The following MBOAT1 variants were observed in gnomAD, a reference collection of about 807,000 sequenced individuals.
The protein encoded by MBOAT1 is membrane-bound glycerophospholipid O-acyltransferase 1.
In MBOAT1, 67 loss-of-function variants were observed where a neutral mutation model predicts 64.4. The observed-to-expected ratio is 1.04, with a 90% CI of 0.85 to 1.27. The LOEUF is 1.27. MBOAT1 is among the 50% of genes most tolerant of loss of function. The pLI is 0.00. For synonymous variants in MBOAT1, 229 were observed against 218.9 expected (o/e 1.05, Z -0.41); for missense variants, 563 against 604.6 (o/e 0.93, Z 0.72).
At chr6:20,198,649 T>C (rs1365851261) in intron 1 of MBOAT1, among the ~76,000 whole-genome samples, 1 of 152,226 alleles carries the variant, frequency 6.6e-6, no homozygotes, top group African/African-American at 2.4e-5. Flanking sequence ...CTTCTCCAGT[T>C]CTTCTAGAAA....
intron 5 of MBOAT1, 74 bp downstream of exon 5, chr6:20,131,070 G>A: frequency 7.6e-7 from 1 of 1,321,472 alleles, no homozygotes. Context: ...TTTGGACTGT[G>A]TACATAGTAT....
At chr6:20,159,341 C>T (rs1337141832) in intron 1 of MBOAT1, among the ~76,000 whole-genome samples, 1 of 152,082 alleles carries the variant, frequency 6.6e-6, no homozygotes, top group African/African-American at 2.4e-5. Flanking sequence ...TAGGAGTGTA[C>T]ACCCTATGAG....
chr6:20,130,605 G>A (rs1219784749), intron 5 of MBOAT1, among the ~76,000 whole-genome samples: 1 of 151,724 alleles, frequency 6.6e-6, no homozygotes, highest in Non-Finnish European at 1.5e-5. Context: ...TGCCCACCTC[G>A]GCCTCCCAAA....
intron 7 of MBOAT1, among the ~76,000 whole-genome samples, chr6:20,125,705 A>G (rs1581406409): frequency 6.6e-6 from 1 of 152,230 alleles, no homozygotes; most frequent in South Asian, 2.1e-4. Context: ...GAGATACTTG[A>G]CCAACCATAA....
intron 1 of MBOAT1, among the ~76,000 whole-genome samples, chr6:20,184,880 A>AGTGTGTGTGTGTGTGTGTGTGTGT (rs58865791): frequency 6.3e-5 from 9 of 142,866 alleles, no homozygotes; most frequent in East Asian, 2.1e-4. Context: ...TTATAACTGC[A>AGTGTGTGTGTGTGTGTGTGTGTGT]GTGTGTGTGT....
chr6:20,157,519 T>C (rs1436641005), intron 1 of MBOAT1, among the ~76,000 whole-genome samples: 1 of 152,114 alleles, frequency 6.6e-6, no homozygotes, highest in Non-Finnish European at 1.5e-5. Context: ...TTTGGAAAGG[T>C]AAAATTACAT....
rs140082056 is a variant in MBOAT1 at position 20,171,789 on chromosome 6, T to C, written c.100-19020A>G. 4.5e-4 allele frequency among the ~76,000 whole-genome samples: 69 copies of C among 152,154 alleles called. 1 individual carries two copies. The highest frequency in any genetic ancestry group is 1.6e-3 in the African/African-American group (65 of 41,516). ...TGGCTCATGCCTGTAATCCCACTAC[T>C]TTGGGAGGCCAAGGCGAGATAAATG... On this transcript the variant is annotated intron_variant, in intron 1 of 12. Transcript: ENST00000324607.
At chr6:20,127,186 T>C (rs1760680032) in intron 6 of MBOAT1, among the ~76,000 whole-genome samples, 1 of 152,290 alleles carries the variant, frequency 6.6e-6, no homozygotes, top group Admixed American at 6.5e-5. Flanking sequence ...AGAACCGCAG[T>C]AGCAGCCTGT....
intron 12 of MBOAT1, among the ~76,000 whole-genome samples, chr6:20,104,547 C>A (rs1178999379): frequency 6.6e-6 from 1 of 152,236 alleles, no homozygotes; most frequent in African/African-American, 2.4e-5. Flanking sequence ...TCAATACCTG[C>A]AAGTAATTAG....
At chr6:20,110,363 C>A (rs981509069) in intron 11 of MBOAT1, among the ~76,000 whole-genome samples, 23 of 151,838 alleles carry the variant, frequency 1.5e-4, no homozygotes, top group Non-Finnish European at 2.8e-4. Flanking sequence ...AAGGCACATG[C>A]CACCATGCCC....
chr6:20,115,958 C>T (rs987093708), intron 9 of MBOAT1, among the ~76,000 whole-genome samples: 4 of 150,460 alleles, frequency 2.7e-5, no homozygotes, highest in African/African-American at 9.8e-5. Flanking sequence ...GAGGAAGAGA[C>T]ATCCCACAAT....
intron 4 of MBOAT1, among the ~76,000 whole-genome samples, chr6:20,132,265 T>A (rs1760852948): frequency 6.6e-6 from 1 of 152,192 alleles, no homozygotes; most frequent in Non-Finnish European, 1.5e-5. Flanking sequence ...CACAATCCAG[T>A]GCCCTGATTC....
At chr6:20,131,097 C>T (rs778862897) in intron 5 of MBOAT1, 47 bp downstream of exon 5, 5 of 1,499,650 alleles carry the variant, frequency 3.3e-6, no homozygotes, top group Admixed American at 1.7e-5. Context: ...AAGAGCTCTG[C>T]ATGTCAGGCT....
intron 1 of MBOAT1, among the ~76,000 whole-genome samples, chr6:20,161,443 C>G (rs543598092): frequency 2.0e-5 from 3 of 152,052 alleles, no homozygotes; most frequent in Non-Finnish European, 4.4e-5. Flanking sequence ...CCCCCACCCC[C>G]ACTCCATGGA....
intron 5 of MBOAT1, 67 bp downstream of exon 5, chr6:20,131,077 G>A (rs1048518570): frequency 7.3e-6 from 10 of 1,364,114 alleles, no homozygotes; most frequent in Middle Eastern, 1.8e-4. Context: ...TGTGTACATA[G>A]TATAAAAAGA....
intron 1 of MBOAT1, 102 bp from the exon 2 acceptor site, chr6:20,152,871 C>T (rs566630104): frequency 1.0e-5 from 14 of 1,334,910 alleles, no homozygotes; most frequent in Admixed American, 4.6e-5. Context: ...CTCGTTCTGT[C>T]GCCCAGGCTG....
chr6:20,109,579 G>T lies in MBOAT1; in HGVS notation c.1361+19C>A. 6.2e-7 allele frequency: 1 copy of T among 1,601,716 alleles called. No homozygotes were observed. The highest frequency in any genetic ancestry group is 1.1e-5 in the South Asian group (1 of 90,038). ...TAGAGTCATTTACGAGATGGCAACT[G>T]AGAACAACGGAAACTTACTTGTATA... On this transcript the variant is annotated intron_variant, in intron 12 of 12. Coordinates refer to ENST00000324607, the MANE Select transcript of MBOAT1 (RefSeq NM_001080480.3).
chr6:20,117,672 T>C (rs866464177), intron 9 of MBOAT1, among the ~76,000 whole-genome samples: 1 of 152,138 alleles, frequency 6.6e-6, no homozygotes, highest in Non-Finnish European at 1.5e-5. Flanking sequence ...GCCCAAACTC[T>C]CCAGTGGACT....
intron 8 of MBOAT1, among the ~76,000 whole-genome samples, chr6:20,122,609 T>C (rs1760525630): frequency 6.6e-6 from 1 of 152,184 alleles, no homozygotes; most frequent in African/African-American, 2.4e-5. Flanking sequence ...ACTGAACTTA[T>C]GCAGGAACAT....
Sources: gnomAD v4.1 joint callset for allele counts (sites outside exome capture counted in the v4.1 genomes callset) on GRCh38, gnomAD v4.1.1 for gene constraint, MANE v1.5 for transcripts, NCBI Gene and HGNC (gene_info 2026-07-23, HGNC 2026-07-21) for gene names.